Variants in TTLL5 observed in about 807,000 individuals in gnomAD.
The protein encoded by TTLL5 is tubulin tyrosine ligase like 5.
Under a neutral mutation model 168.4 loss-of-function variants are expected in TTLL5, and 132 were observed. That is an observed-to-expected ratio of 0.78 (90% CI 0.68 to 0.91). The LOEUF is 0.91. Among genes scored for constraint, TTLL5 ranks in the 40% least tolerant of loss-of-function variants. TTLL5 has a pLI of 0.00. For synonymous variants in TTLL5, 546 were observed against 558.6 expected (o/e 0.98, Z 0.32); for missense variants, 1,545 against 1,581.5 (o/e 0.98, Z 0.39).
At chr14:75,808,858 T>C (rs955956239) in intron 27 of TTLL5, among the ~76,000 whole-genome samples, 3 of 152,064 alleles carry the variant, frequency 2.0e-5, no homozygotes, top group African/African-American at 7.2e-5. Context: ...ACTCCTGGGC[T>C]CAAGTGATCC....
intron 27 of TTLL5, among the ~76,000 whole-genome samples, chr14:75,804,816 T>C (rs141980202): frequency 6.6e-6 from 1 of 152,306 alleles, no homozygotes; most frequent in East Asian, 1.9e-4. Flanking sequence ...AGACCAATTC[T>C]TCTCTTGGCT....
At chr14:75,695,356 C>A (rs922943715) in intron 6 of TTLL5, among the ~76,000 whole-genome samples, 1 of 152,192 alleles carries the variant, frequency 6.6e-6, no homozygotes, top group Non-Finnish European at 1.5e-5. Context: ...AAGATGTTAT[C>A]AATGACAATG....
At chr14:75,913,976 C>T (rs922648400) in intron 31 of TTLL5, among the ~76,000 whole-genome samples, 20 of 139,222 alleles carry the variant, frequency 1.4e-4, no homozygotes, top group African/African-American at 4.5e-4. Flanking sequence ...GATTGTACCA[C>T]TGCGCTCCAG....
At chr14:75,919,214 A>G (rs2140134101) in intron 31 of TTLL5, among the ~76,000 whole-genome samples, 1 of 150,404 alleles carries the variant, frequency 6.6e-6, no homozygotes. Flanking sequence ...AAAAAAAAAA[A>G]AAAAAAAGGA....
At chr14:75,792,294 G>A (rs1399250242) in intron 26 of TTLL5, among the ~76,000 whole-genome samples, 1 of 151,304 alleles carries the variant, frequency 6.6e-6, no homozygotes, top group Non-Finnish European at 1.5e-5. Flanking sequence ...AATGGGTGCA[G>A]CACACCAACA....
At chr14:75,667,630 A>G (rs768983509) in intron 2 of TTLL5, among the ~76,000 whole-genome samples, 6 of 152,076 alleles carry the variant, frequency 3.9e-5, no homozygotes, top group Non-Finnish European at 8.8e-5. Flanking sequence ...TAAACTAGGT[A>G]TGCTGTTCTT....
chr14:75,767,559 G>GCTTGGT (rs1442195149), intron 20 of TTLL5, among the ~76,000 whole-genome samples: 13 of 152,222 alleles, frequency 8.5e-5, no homozygotes, highest in Admixed American at 3.3e-4. Context: ...ATCGTAATGA[G>GCTTGGT]CTTGGTGTGT....
intron 10 of TTLL5, 57 bp from the exon 11 acceptor site, chr14:75,719,678 T>C: frequency 1.4e-6 from 2 of 1,450,964 alleles, no homozygotes; most frequent in Non-Finnish European, 1.8e-6. Context: ...CAAAGAGTCT[T>C]GTTATTATAG....
At chr14:75,773,957 A>AGAGAGAGAG (rs1891536422) in intron 21 of TTLL5, among the ~76,000 whole-genome samples, 10 of 43,326 alleles carry the variant, frequency 2.3e-4, no homozygotes, top group African/African-American at 4.1e-4. Flanking sequence ...GAGAGAGAGA[A>AGAGAGAGAG]AGAGAGAGAG....
At chr14:75,664,114 A>G (rs114386984) in intron 2 of TTLL5, among the ~76,000 whole-genome samples, 2,339 of 152,232 alleles carry the variant, frequency 0.015, 30 homozygotes, top group African/African-American at 0.032. Flanking sequence ...ATAATGATAA[A>G]TATAGCTACT....
In TTLL5 at chr14:75,781,295, C is replaced by T. The variant is rs76226553; in HGVS notation, c.2516-1192C>T. 4.1e-3 allele frequency among the ~76,000 whole-genome samples: 630 copies of T among 152,178 alleles called. 20 individuals carry two copies. In the East Asian group the frequency reaches 0.084, roughly 20 times the overall value. On this transcript the variant is annotated intron_variant, in intron 24 of 31. Transcript: ENST00000298832. Reference sequence around the variant, plus strand: ...TGTAAACTTGTTAAGGATAACTGGCCGGCGGGGGCAGTAGGAAGACGTCAA... The same window carrying T: ...TGTAAACTTGTTAAGGATAACTGGCTGGCGGGGGCAGTAGGAAGACGTCAA...
intron 12 of TTLL5, among the ~76,000 whole-genome samples, chr14:75,729,589 C>T (rs550832353): frequency 6.6e-6 from 1 of 152,240 alleles, no homozygotes; most frequent in African/African-American, 2.4e-5. Context: ...CAATGCCAGC[C>T]TTTGAGGTGA....
chr14:75,954,764 GTCT>G lies in TTLL5; in HGVS notation c.*322_*324del. On this transcript the variant is annotated 3_prime_UTR_variant, in exon 32 of 32. Transcript: ENST00000298832. Reference sequence around the variant, plus strand: ...TGCCCCATGCCCCCAAACTGCTTAGGTCTTCTCTGTCCCTTTACTGCTGCTGCA... The same window carrying G: ...TGCCCCATGCCCCCAAACTGCTTAGGTCTCTGTCCCTTTACTGCTGCTGCA... 1 of 386,996 alleles carries G rather than the reference GTCT, an allele frequency of 2.6e-6. No individual in the cohort carries two copies. The highest frequency in any genetic ancestry group is 4.7e-6 in the Non-Finnish European group (1 of 212,542). The allele number at this position is 386,996 out of a possible 1,614,324, so 24.0% of individuals were successfully genotyped here.
At chr14:75,893,428 C>G (rs887202158) in intron 30 of TTLL5, among the ~76,000 whole-genome samples, 2 of 152,168 alleles carry the variant, frequency 1.3e-5, no homozygotes, top group African/African-American at 4.8e-5. Flanking sequence ...TTCTTCTCCT[C>G]AGCAATAATG....
At chr14:75,931,818 A>G (rs779976213) in intron 31 of TTLL5, among the ~76,000 whole-genome samples, 4 of 152,174 alleles carry the variant, frequency 2.6e-5, no homozygotes, top group Non-Finnish European at 5.9e-5. Flanking sequence ...CTCTTCCTAG[A>G]AATCCCATCC....
chr14:75,765,627 C>T (rs900867706), intron 19 of TTLL5, among the ~76,000 whole-genome samples: 13 of 152,082 alleles, frequency 8.5e-5, no homozygotes, highest in Admixed American at 2.6e-4. Context: ...CTTTAGGAGG[C>T]CAAGGTGGGC....
At chr14:75,922,610 G>A (rs1349662239) in intron 31 of TTLL5, among the ~76,000 whole-genome samples, 1 of 152,204 alleles carries the variant, frequency 6.6e-6, no homozygotes, top group East Asian at 1.9e-4. Context: ...GCTTTTTGAT[G>A]TGCTGCTGGA....
chr14:75,809,353 G>GT (rs1267299051), intron 27 of TTLL5, among the ~76,000 whole-genome samples: 2 of 152,096 alleles, frequency 1.3e-5, no homozygotes, highest in African/African-American at 4.8e-5. Context: ...AAATCTATGA[G>GT]TATCTTTGTT....
intron 31 of TTLL5, among the ~76,000 whole-genome samples, chr14:75,931,099 C>T (rs1270723316): frequency 3.3e-5 from 5 of 152,208 alleles, no homozygotes; most frequent in Non-Finnish European, 5.9e-5. Flanking sequence ...CCAAGACTGT[C>T]ACATATGGCT....
Sources: gnomAD v4.1 joint callset for allele counts (sites outside exome capture counted in the v4.1 genomes callset) on GRCh38, gnomAD v4.1.1 for gene constraint, MANE v1.5 for transcripts, NCBI Gene and HGNC (gene_info 2026-07-23, HGNC 2026-07-21) for gene names.